The following TLL1 variants were observed in gnomAD, a reference collection of about 807,000 sequenced individuals.
TLL1 encodes tolloid like 1.
In TLL1, 49 loss-of-function variants were observed where a neutral mutation model predicts 128.2. The ratio of observed to expected loss-of-function variants is 0.38; its 90% CI spans 0.30 to 0.48. The LOEUF (loss-of-function observed/expected upper bound fraction) is 0.48. Ranked by LOEUF, TLL1 falls within the 20% of genes least tolerant of loss-of-function variation. The probability of loss-of-function intolerance (pLI) is 0.96; values close to 1 mark genes in which losing one functional copy is unlikely to be tolerated. For synonymous variants in TLL1, 454 were observed against 418.8 expected, an observed-to-expected ratio of 1.08 and a Z score of -1.03; for missense variants, 1,123 against 1,242.0, an observed-to-expected ratio of 0.90 and a Z score of 1.44.
At position 166,092,393 on chromosome 4, in the gene TLL1, G is replaced by A. The variant is rs557083911; in HGVS notation, c.2656+1052G>A. Among the ~76,000 whole-genome samples the A allele has an allele frequency of 1.3e-4, 20 of 151,952 alleles. No homozygotes were observed. In the East Asian group the frequency reaches 3.9e-3, roughly 29 times the overall value. On this transcript the variant is annotated intron_variant, in intron 19 of 20. Coordinates refer to ENST00000061240, the MANE Select transcript of TLL1 (RefSeq NM_012464.5). ...ATCTGATTAATAATAGTAATCATTG[G>A]TCTTCTATCAATAATGCAAATTAAT...
intron 14 of TLL1, among the ~76,000 whole-genome samples, chr4:166,057,847 C>G (rs1293409383): frequency 6.6e-6 from 1 of 152,158 alleles, no homozygotes; most frequent in African/African-American, 2.4e-5. Flanking sequence ...AACCATGATT[C>G]AGTTACCTCC....
rs1742286665 is a variant in TLL1 at position 166,101,537 on chromosome 4, G to GGTGTCTAATTATTGCA, written c.*664_*679dup. Reference sequence around the variant, plus strand: ...ATTTAGATGAGTTTGAAATCTCAATGGTGTCTAATTATTGCAGTTAAATTC... The same window carrying GGTGTCTAATTATTGCA: ...ATTTAGATGAGTTTGAAATCTCAATGGTGTCTAATTATTGCAGTGTCTAATTATTGCAGTTAAATTC... On this transcript the variant is annotated 3_prime_UTR_variant, in exon 21 of 21. Coordinates refer to ENST00000061240, the MANE Select transcript of TLL1 (RefSeq NM_012464.5). 6.6e-6 allele frequency: 1 copy of GGTGTCTAATTATTGCA among 152,294 alleles called. No homozygotes were observed. The highest frequency in any genetic ancestry group is 6.6e-5 in the Admixed American group (1 of 15,244). The allele number at this position is 152,294 out of a possible 1,614,324, so 9.4% of individuals were successfully genotyped here.
At chr4:166,096,345 G>T (rs912918992) in intron 19 of TLL1, among the ~76,000 whole-genome samples, 1 of 148,844 alleles carries the variant, frequency 6.7e-6, no homozygotes, top group Non-Finnish European at 1.5e-5. Context: ...GCAAAACCGG[G>T]GGCGGGGGGA....
At chr4:165,911,284 A>G (rs1396135920) in intron 1 of TLL1, among the ~76,000 whole-genome samples, 1 of 152,160 alleles carries the variant, frequency 6.6e-6, no homozygotes, top group South Asian at 2.1e-4. Flanking sequence ...GAGTGAGTAC[A>G]TGCAATATTT....
At chr4:166,062,067 A>G (rs1258610644) in intron 15 of TLL1, among the ~76,000 whole-genome samples, 1 of 152,042 alleles carries the variant, frequency 6.6e-6, no homozygotes, top group African/African-American at 2.4e-5. Flanking sequence ...GTTCTGTTCC[A>G]TTGATCTATA....
intron 1 of TLL1, among the ~76,000 whole-genome samples, chr4:165,968,489 T>C (rs998189932): frequency 2.0e-5 from 3 of 152,154 alleles, no homozygotes; most frequent in Admixed American, 2.0e-4. Flanking sequence ...AACACTTTTT[T>C]CCCCACTATT....
At chr4:166,021,880 C>A (rs1169288477) in intron 8 of TLL1, among the ~76,000 whole-genome samples, 1 of 152,076 alleles carries the variant, frequency 6.6e-6, no homozygotes, top group Non-Finnish European at 1.5e-5. Context: ...TGCTTGTTGT[C>A]CGGGCTGCAT....
At chr4:166,018,278 G>A (rs1047302916) in intron 8 of TLL1, among the ~76,000 whole-genome samples, 16 of 152,036 alleles carry the variant, frequency 1.1e-4, no homozygotes, top group South Asian at 4.2e-4. Context: ...ATCTTTCACC[G>A]TATATAACCA....
At chr4:166,089,500 T>C (rs1005010936) in intron 18 of TLL1, among the ~76,000 whole-genome samples, 3 of 152,138 alleles carry the variant, frequency 2.0e-5, no homozygotes, top group Non-Finnish European at 2.9e-5. Flanking sequence ...CTACGCAATG[T>C]GTGTACTCCA....
At chr4:165,904,982 C>A (rs372343222) in intron 1 of TLL1, among the ~76,000 whole-genome samples, 1 of 152,144 alleles carries the variant, frequency 6.6e-6, no homozygotes. Flanking sequence ...CCTATTAGAA[C>A]GTCTCAGATA....
At chr4:165,966,321 T>G (rs549292979) in intron 1 of TLL1, among the ~76,000 whole-genome samples, 1 of 152,148 alleles carries the variant, frequency 6.6e-6, no homozygotes, top group Non-Finnish European at 1.5e-5. Flanking sequence ...AACCAGACTT[T>G]GAGGTGTGGG....
At chr4:165,966,467 A>T (rs146764770) in intron 1 of TLL1, among the ~76,000 whole-genome samples, 1 of 152,282 alleles carries the variant, frequency 6.6e-6, no homozygotes, top group East Asian at 1.9e-4. Context: ...GTAACTTTCC[A>T]ATTAATTCTA....
At chr4:166,094,763 C>T (rs1056138418) in intron 19 of TLL1, among the ~76,000 whole-genome samples, 5 of 151,974 alleles carry the variant, frequency 3.3e-5, no homozygotes, top group Non-Finnish European at 5.9e-5. Context: ...CTGTTACTTT[C>T]TAGTAGTCAT....
chr4:165,881,940 TA>T (rs1730987237), intron 1 of TLL1, among the ~76,000 whole-genome samples: 1 of 152,170 alleles, frequency 6.6e-6, no homozygotes, highest in Admixed American at 6.5e-5. Context: ...TTACTCGGAG[TA>T]TTCATTGAAT....
chr4:166,097,706 A>G (rs140892118), intron 19 of TLL1, among the ~76,000 whole-genome samples: 1,768 of 152,230 alleles, frequency 0.012, 18 homozygotes, highest in Middle Eastern at 0.027. Flanking sequence ...TCCAATTTAG[A>G]ATTTCAGCTG....
At chr4:166,017,789 G>C (rs1205500031) in intron 8 of TLL1, among the ~76,000 whole-genome samples, 1 of 151,864 alleles carries the variant, frequency 6.6e-6, no homozygotes, top group Non-Finnish European at 1.5e-5. Flanking sequence ...TTCTGAAATA[G>C]TTAGCTTTGA....
At chr4:165,953,928 AC>A (rs1463035327) in intron 1 of TLL1, among the ~76,000 whole-genome samples, 2 of 152,096 alleles carry the variant, frequency 1.3e-5, no homozygotes, top group East Asian at 3.9e-4. Flanking sequence ...TTATATTTTT[AC>A]TTTTCAAAAG....
intron 1 of TLL1, among the ~76,000 whole-genome samples, chr4:165,898,131 T>C (rs1423850691): frequency 6.6e-6 from 1 of 152,222 alleles, no homozygotes; most frequent in Non-Finnish European, 1.5e-5. Flanking sequence ...GATTTTAAGC[T>C]GAGACTATGG....
chr4:166,073,813 T>C (rs1740900151), intron 16 of TLL1, among the ~76,000 whole-genome samples: 1 of 152,066 alleles, frequency 6.6e-6, no homozygotes, highest in African/African-American at 2.4e-5. Flanking sequence ...AAAGCAAAAA[T>C]AGAATAATTT....
Sources: allele counts gnomAD v4.1 joint callset (sites outside exome capture counted in the v4.1 genomes callset), GRCh38; gene constraint gnomAD v4.1.1; transcripts MANE v1.5; gene names NCBI Gene and HGNC (gene_info 2026-07-23, HGNC 2026-07-21).